Variants in ALDH3B2 observed in about 807,000 individuals in gnomAD.
ALDH3B2 encodes the protein aldehyde dehydrogenase family 3 member B2.
In ALDH3B2, 45 loss-of-function variants were observed where a neutral mutation model predicts 36.7. The ratio of observed to expected loss-of-function variants is 1.23; its 90% CI spans 0.97 to 1.57. The LOEUF (loss-of-function observed/expected upper bound fraction) is 1.57, where lower values mean the gene tolerates loss of function less well. Ranked by LOEUF, ALDH3B2 falls within the 40% of genes most tolerant of loss-of-function variation. The pLI is 0.00. For synonymous variants in ALDH3B2, 217 were observed against 226.5 expected (o/e 0.96, Z 0.38); for missense variants, 464 against 513.3 (o/e 0.90, Z 0.93).
At chr11:67,664,359 A>T in intron 8 of ALDH3B2, 37 bp downstream of exon 8, 1 of 1,612,798 alleles carries the variant, frequency 6.2e-7, no homozygotes, top group Non-Finnish European at 8.5e-7. Context: ...TGCCCCTTTC[A>T]GCCCCTCCAT....
At chr11:67,679,192 G>T (rs988681422), upstream of ALDH3B2, among the ~76,000 whole-genome samples, 1 of 152,150 alleles carries the variant, frequency 6.6e-6, no homozygotes, top group Non-Finnish European at 1.5e-5. Flanking sequence ...CAGGGGCCAG[G>T]TGCAGTGGCT....
In ALDH3B2 at chr11:67,663,400, C is replaced by T. The variant is rs1221006508; in HGVS notation, c.974-1G>A. The T allele has an allele frequency of 5.6e-6, 9 of 1,608,834 alleles. No individual in the cohort carries two copies. The highest frequency in any genetic ancestry group is 7.6e-6 in the Non-Finnish European group (9 of 1,178,108). ...TGGTACCGGCCCATCCCACTGTGGC[C>T]TGTGTGGGCACAGAGAACAAGGGCC... On this transcript the variant is annotated splice_acceptor_variant, in intron 9 of 9. Transcript: ENST00000349015. LOFTEE classifies it high-confidence loss of function.
chr11:67,662,975 G>A, exon 10 of ALDH3B2: 1 of 538,906 alleles, frequency 1.9e-6, no homozygotes, highest in Non-Finnish European at 3.3e-6. Flanking sequence ...GGGAGGGTGG[G>A]GTGAGTGAGG....
chr11:67,662,479 C>G (rs573173708), exon 10 of ALDH3B2: 1 of 152,316 alleles, frequency 6.6e-6, no homozygotes, highest in Admixed American at 6.5e-5. Flanking sequence ...AATCCTGTTA[C>G]GGGCATGTGT....
chr11:67,668,778 GTGTC>G (rs1355482440), intron 1 of ALDH3B2, among the ~76,000 whole-genome samples: 3 of 138,398 alleles, frequency 2.2e-5, no homozygotes, highest in Non-Finnish European at 4.7e-5. Context: ...GTGTGTATGG[GTGTC>G]TGTGTGTGTC....
exon 10 of ALDH3B2, chr11:67,662,553 T>C (rs904308039): frequency 6.5e-6 from 1 of 152,932 alleles, no homozygotes; most frequent in Non-Finnish European, 1.5e-5. Flanking sequence ...AGTGACTCCA[T>C]TTTGGTTCCA....
intron 1 of ALDH3B2, among the ~76,000 whole-genome samples, chr11:67,669,338 G>A (rs371960287): frequency 4.6e-5 from 7 of 151,202 alleles, no homozygotes; most frequent in African/African-American, 1.7e-4. Context: ...ATGTATCAGT[G>A]TCTGTGTGTC....
intron 4 of ALDH3B2, 41 bp from the exon 5 acceptor site, chr11:67,666,442 T>C (rs200699906): frequency 6.2e-7 from 1 of 1,605,494 alleles, no homozygotes; most frequent in African/African-American, 1.3e-5. Flanking sequence ...GAGCCCAGGG[T>C]CCCCATGCCC....
At chr11:67,663,233 C>T in exon 10 of ALDH3B2, 2 of 1,611,056 alleles carry the variant, frequency 1.2e-6, no homozygotes, top group South Asian at 2.2e-5. Context: ...GGGTGCAGCT[C>T]TGGGAGCCCA....
chr11:67,677,856 G>T (rs1383551028), upstream of ALDH3B2, among the ~76,000 whole-genome samples: 3 of 151,856 alleles, frequency 2.0e-5, no homozygotes, highest in Non-Finnish European at 2.9e-5. Context: ...TTTGACGATA[G>T]CAAAAAAACA....
chr11:67,676,710 T>C (rs1446746462), upstream of ALDH3B2, among the ~76,000 whole-genome samples: 1 of 151,970 alleles, frequency 6.6e-6, no homozygotes, highest in South Asian at 2.1e-4. Flanking sequence ...ATTTGCAAGA[T>C]TAACCAAGAA....
chr11:67,666,299 G>A lies in ALDH3B2; in HGVS notation c.237+17C>T. On this transcript the variant is annotated intron_variant, in intron 5 of 9. Transcript: ENST00000349015. The stretch of plus-strand genomic sequence containing the variant: ...ATATGGGGACGTCGGGCACTGCTGG[G>A]GCAGGGCCACCCTCACCTGGTCCAG... The A allele has an allele frequency of 6.2e-7, 1 of 1,609,710 alleles. No homozygotes were observed. The highest frequency in any genetic ancestry group is 8.5e-7 in the Non-Finnish European group (1 of 1,177,750).
chr11:67,666,271 GAT>G, intron 5 of ALDH3B2, 43 bp downstream of exon 5: 1 of 1,612,316 alleles, frequency 6.2e-7, no homozygotes. Flanking sequence ...CCACAGGGGT[GAT>G]ATATGGGGAC....
chr11:67,672,085 A>ATATATATATG (rs1398899805), intron 1 of ALDH3B2, among the ~76,000 whole-genome samples: 41 of 52,810 alleles, frequency 7.8e-4, no homozygotes, highest in Non-Finnish European at 1.0e-3. Flanking sequence ...ATATATATAT[A>ATATATATATG]TATGTATGTA....
chr11:67,675,655 A>G (rs1270462047), upstream of ALDH3B2, among the ~76,000 whole-genome samples: 1 of 152,228 alleles, frequency 6.6e-6, no homozygotes, highest in East Asian at 1.9e-4. Flanking sequence ...TGGCCCTGGA[A>G]TCTTCGGTAG....
intron 1 of ALDH3B2, among the ~76,000 whole-genome samples, chr11:67,673,094 C>G (rs1008830965): frequency 5.9e-5 from 9 of 152,036 alleles, no homozygotes. Flanking sequence ...CCACACCCAG[C>G]TTATTTTTTG....
chr11:67,675,683 A>C (rs1856253679), upstream of ALDH3B2, among the ~76,000 whole-genome samples: 1 of 152,192 alleles, frequency 6.6e-6, no homozygotes, highest in Non-Finnish European at 1.5e-5. Flanking sequence ...TGTAAATGCC[A>C]ATGTGACACC....
chr11:67,667,225 C>A (rs550628213), intron 2 of ALDH3B2, among the ~76,000 whole-genome samples: 2 of 152,346 alleles, frequency 1.3e-5, no homozygotes, highest in Admixed American at 1.3e-4. Flanking sequence ...GCGATGTTAA[C>A]CCCTGAGTGC....
chr11:67,672,112 G>GTATTT (rs1262821674), intron 1 of ALDH3B2, among the ~76,000 whole-genome samples: 2 of 105,400 alleles, frequency 1.9e-5, no homozygotes, highest in African/African-American at 4.3e-5. Context: ...TTGTGTGTGT[G>GTATTT]TGTGTGTGTG....
Sources: allele counts gnomAD v4.1 joint callset (sites outside exome capture counted in the v4.1 genomes callset), GRCh38; gene constraint gnomAD v4.1.1; transcripts MANE v1.5; gene names NCBI Gene and HGNC (gene_info 2026-07-23, HGNC 2026-07-21).